The following FER variants were observed in gnomAD, a reference collection of about 807,000 sequenced individuals.
The protein encoded by FER is tyrosine-protein kinase Fer.
Under a neutral mutation model 111.0 loss-of-function variants are expected in FER, and 63 were observed. That is an observed-to-expected ratio of 0.57 (90% CI 0.46 to 0.70). The LOEUF is 0.70. Among genes scored for constraint, FER ranks in the 30% least tolerant of loss-of-function variants. FER has a pLI of 0.00. For missense variants in FER, 914 were observed against 954.0 expected (o/e 0.96, Z 0.55); for synonymous variants, 327 against 313.9 (o/e 1.04, Z -0.44).
In FER at chr5:108,867,882, T is replaced by C; in HGVS notation, c.597T>C (p.Tyr199=). Reference sequence around the variant, plus strand: ...GGGCACAGCTCCATCAGAATCAGTATTATGATATCACACTTCCCCTGCTTC... The same window carrying C: ...GGGCACAGCTCCATCAGAATCAGTACTATGATATCACACTTCCCCTGCTTC... The part of the protein sequence containing the change: ...LKGAQLHQNQ[Y]YDITLPLLLD... The change falls in exon 6 of 20, where the codon TAT becomes TAC. Residue 199 remains tyrosine (Y), a synonymous_variant. Coordinates refer to ENST00000281092, the MANE Select transcript of FER (RefSeq NM_005246.4). 6.2e-7 allele frequency: 1 copy of C among 1,613,368 alleles called. No homozygotes were observed. Among genetic ancestry groups the C allele is most frequent in the Non-Finnish European group, 8.5e-7 (1 of 1,179,534 alleles).
intron 13 of FER, among the ~76,000 whole-genome samples, chr5:109,032,107 G>A (rs1257996493): frequency 6.6e-6 from 1 of 152,088 alleles, no homozygotes; most frequent in African/African-American, 2.4e-5. Flanking sequence ...TTCTCTACCA[G>A]CGTAGTTAAT....
In FER at chr5:108,872,135, C is replaced by T. The variant is rs779242743; in HGVS notation, c.846C>T (p.Ser282=). Residue 282 remains serine (S), a synonymous_variant, in exon 8 of 20, where the codon TCC becomes TCT. Coordinates refer to ENST00000281092, the MANE Select transcript of FER (RefSeq NM_005246.4). ...AKEQEIEFDT[S]LLEENENLQA... is the part of the protein sequence containing the mutation. ...AACAAGAAATAGAGTTTGATACTTCCTTACTGGAAGAAAATGAAAATCTTC... is the reference window on the plus strand; with the variant it reads ...AACAAGAAATAGAGTTTGATACTTCTTTACTGGAAGAAAATGAAAATCTTC... 1.2e-6 allele frequency: 2 copies of T among 1,611,460 alleles called. No individual in the cohort carries two copies. The highest frequency in any genetic ancestry group is 1.7e-4 in the Middle Eastern group (1 of 6,048).
At chr5:109,130,143 A>T (rs1046380870) in intron 17 of FER, among the ~76,000 whole-genome samples, 4 of 151,936 alleles carry the variant, frequency 2.6e-5, no homozygotes, top group African/African-American at 9.7e-5. Flanking sequence ...AACCTATCCC[A>T]TTTTTAAAAA....
At chr5:109,015,098 T>C (rs1766885767) in intron 13 of FER, among the ~76,000 whole-genome samples, 1 of 152,126 alleles carries the variant, frequency 6.6e-6, no homozygotes, top group Non-Finnish European at 1.5e-5. Flanking sequence ...GTTTTTGTGT[T>C]TGACAGTTAA....
chr5:109,021,265 T>G (rs937200253), intron 13 of FER, among the ~76,000 whole-genome samples: 4 of 152,028 alleles, frequency 2.6e-5, no homozygotes, highest in Non-Finnish European at 5.9e-5. Context: ...TATTTGACCT[T>G]AATAAGAGTG....
At chr5:109,062,530 GA>G (rs1221883223) in intron 16 of FER, among the ~76,000 whole-genome samples, 13 of 150,878 alleles carry the variant, frequency 8.6e-5, no homozygotes, top group African/African-American at 3.2e-4. Context: ...TGTCTCAAAA[GA>G]AAAAAAAATA....
chr5:108,940,972 G>A (rs563860342), intron 10 of FER, among the ~76,000 whole-genome samples: 50 of 152,204 alleles, frequency 3.3e-4, no homozygotes, highest in African/African-American at 1.1e-3. Context: ...AGACTAGGCT[G>A]GGGAATGGGT....
intron 13 of FER, among the ~76,000 whole-genome samples, chr5:109,008,172 C>G (rs1195169795): frequency 6.6e-6 from 1 of 152,046 alleles, no homozygotes; most frequent in Non-Finnish European, 1.5e-5. Flanking sequence ...CTCTCTTTAA[C>G]CTTATATTAT....
chr5:109,008,623 T>TCA (rs1765800849), intron 13 of FER, among the ~76,000 whole-genome samples: 1 of 152,200 alleles, frequency 6.6e-6, no homozygotes. Flanking sequence ...TTTCTCTGCT[T>TCA]TAAAAAAATA....
At chr5:109,122,599 G>T (rs1444029282) in intron 17 of FER, among the ~76,000 whole-genome samples, 2 of 151,928 alleles carry the variant, frequency 1.3e-5, no homozygotes, top group African/African-American at 4.8e-5. Flanking sequence ...GGTATATAGT[G>T]CCGATTAAGT....
At chr5:109,044,141 A>G (rs1022050535) in intron 14 of FER, among the ~76,000 whole-genome samples, 1 of 151,934 alleles carries the variant, frequency 6.6e-6, no homozygotes, top group Admixed American at 6.6e-5. Context: ...ATAGATTTCA[A>G]AATGTCATCT....
At chr5:109,167,789 G>C (rs147727211) in intron 17 of FER, among the ~76,000 whole-genome samples, 20 of 152,282 alleles carry the variant, frequency 1.3e-4, no homozygotes, top group Non-Finnish European at 2.2e-4. Flanking sequence ...GTCTGAGGGG[G>C]AGGTACTTGT....
Position 109,187,548 on chromosome 5 carries a change from C to CACTATCATCAAGAGAA in FER, c.2444_2459dup (p.Lys820AsnfsTer27), listed in dbSNP as rs775013042. ...AGTTCAGTGAACTTCAGAAAGAGCT[C>CACTATCATCAAGAGAA]ACTATCATCAAGAGAAAACTCACAT... On this transcript the variant is annotated frameshift_variant, in exon 20 of 20. Coordinates refer to ENST00000281092, the MANE Select transcript of FER (RefSeq NM_005246.4). LOFTEE classifies it high-confidence loss of function. 3 of 1,613,974 alleles carry CACTATCATCAAGAGAA rather than the reference C, an allele frequency of 1.9e-6. No homozygotes were observed. The highest frequency in any genetic ancestry group is 1.7e-5 in the Admixed American group (1 of 60,000).
intron 17 of FER, among the ~76,000 whole-genome samples, chr5:109,112,909 T>C (rs1344994184): frequency 6.6e-6 from 1 of 152,162 alleles, no homozygotes; most frequent in Non-Finnish European, 1.5e-5. Context: ...CTTTCTGATC[T>C]GATATATCAA....
intron 1 of FER, among the ~76,000 whole-genome samples, chr5:108,756,789 T>G (rs1373987625): frequency 2.0e-5 from 3 of 152,150 alleles, no homozygotes; most frequent in Non-Finnish European, 4.4e-5. Context: ...ACACACATTT[T>G]TTGTTTTGTT....
intron 5 of FER, among the ~76,000 whole-genome samples, chr5:108,857,410 A>G (rs1379118973): frequency 6.6e-6 from 1 of 152,138 alleles, no homozygotes; most frequent in Non-Finnish European, 1.5e-5. Flanking sequence ...CAGGTCCATG[A>G]TGTCAGTTCA....
At position 109,176,792 on chromosome 5, in the gene FER, C is replaced by T. The variant is rs191611697; in HGVS notation, c.2049-3955C>T. 2.6e-5 allele frequency among the ~76,000 whole-genome samples: 4 copies of T among 152,120 alleles called. No homozygotes were observed. The East Asian group carries it at 5.8e-4, about 22-fold the overall frequency. On this transcript the variant is annotated intron_variant, in intron 17 of 19. Transcript: ENST00000281092. The stretch of plus-strand genomic sequence containing the variant: ...TAATAGGGGAAAGAAGTAATGGAAC[C>T]GTATACTCGCAGTTGTCAACAAAAA...
chr5:109,143,818 G>A (rs973723468), intron 17 of FER, among the ~76,000 whole-genome samples: 1 of 151,000 alleles, frequency 6.6e-6, no homozygotes, highest in Non-Finnish European at 1.5e-5. Context: ...GGGACTAGAG[G>A]TGTAATTTCT....
intron 10 of FER, among the ~76,000 whole-genome samples, chr5:108,914,769 T>G (rs1752039864): frequency 6.6e-6 from 1 of 152,220 alleles, no homozygotes; most frequent in Non-Finnish European, 1.5e-5. Context: ...TTGCTGATGA[T>G]TAATTTAGCC....
Sources: allele counts gnomAD v4.1 joint callset (sites outside exome capture counted in the v4.1 genomes callset), GRCh38; gene constraint gnomAD v4.1.1; transcripts MANE v1.5; gene names NCBI Gene and HGNC (gene_info 2026-07-23, HGNC 2026-07-21).